Variants in PPP6R3 observed in about 807,000 individuals in gnomAD.
The protein encoded by PPP6R3 is serine/threonine-protein phosphatase 6 regulatory subunit 3.
Under a neutral mutation model 110.7 loss-of-function variants are expected in PPP6R3, and 38 were observed. That is an observed-to-expected ratio of 0.34 (90% confidence interval 0.26 to 0.45). The LOEUF is 0.45. Ranked by LOEUF, PPP6R3 falls within the 20% of genes least tolerant of loss-of-function variation. The probability of loss-of-function intolerance (pLI) is 1.00; values close to 1 mark genes in which losing one functional copy is unlikely to be tolerated. For missense variants in PPP6R3, 870 were observed against 1,062.4 expected (o/e 0.82, Z 2.52); for synonymous variants, 369 against 373.5 (o/e 0.99, Z 0.14).
In PPP6R3 at chr11:68,615,192, C is replaced by A; in HGVS notation, c.*2075C>A. ...GAGGTTGGAGGGGCCAAGCCAAGGA[C>A]AGGAGCAAGTGTGCCCTCATTTTGT... On this transcript the variant is annotated 3_prime_UTR_variant, in exon 24 of 24. Coordinates refer to ENST00000393800, the MANE Select transcript of PPP6R3 (RefSeq NM_001164161.2). 1 of 431,800 alleles carries A rather than the reference C, an allele frequency of 2.3e-6. No homozygotes were observed. Among genetic ancestry groups the A allele is most frequent in the South Asian group, 1.7e-5 (1 of 60,454 alleles). 26.7% of individuals were successfully genotyped at this position (431,800 alleles called of 1,614,324 possible).
intron 19 of PPP6R3, among the ~76,000 whole-genome samples, chr11:68,600,076 C>T (rs1049547427): frequency 2.0e-5 from 3 of 151,976 alleles, no homozygotes; most frequent in East Asian, 1.9e-4. Context: ...GAGCGGAGAT[C>T]GTGCCACTGC....
intron 11 of PPP6R3, among the ~76,000 whole-genome samples, chr11:68,570,787 A>G (rs565220003): frequency 1.3e-5 from 2 of 152,346 alleles, no homozygotes; most frequent in East Asian, 1.9e-4. Flanking sequence ...ATAGTTAACT[A>G]TAGGTAGTTA....
chr11:68,592,508 T>C (rs994463077), intron 18 of PPP6R3, among the ~76,000 whole-genome samples: 4 of 152,218 alleles, frequency 2.6e-5, no homozygotes, highest in Admixed American at 6.5e-5. Flanking sequence ...CTGCCAGTTA[T>C]GTTGCCTCTT....
intron 2 of PPP6R3, among the ~76,000 whole-genome samples, chr11:68,531,753 A>C (rs1204699233): frequency 3.3e-5 from 5 of 152,086 alleles, no homozygotes; most frequent in African/African-American, 1.2e-4. Context: ...TCTAGCTGCT[A>C]TTGCGGATCT....
intron 10 of PPP6R3, 88 bp downstream of exon 10, chr11:68,567,254 T>G (rs981022527): frequency 7.5e-7 from 1 of 1,325,082 alleles, no homozygotes; most frequent in Non-Finnish European, 1.0e-6. Flanking sequence ...AAATTTACAT[T>G]ATGTCAGTGA....
chr11:68,567,780 T>C (rs758807395), intron 10 of PPP6R3, among the ~76,000 whole-genome samples: 13 of 152,216 alleles, frequency 8.5e-5, no homozygotes, highest in African/African-American at 2.7e-4. Flanking sequence ...GTTAACACTT[T>C]AGCAGGTTTC....
chr11:68,503,803 A>G (rs925484670), intron 1 of PPP6R3, among the ~76,000 whole-genome samples: 1 of 152,232 alleles, frequency 6.6e-6, no homozygotes, highest in Non-Finnish European at 1.5e-5. Flanking sequence ...GAGAAGACCA[A>G]CCCAGTAGAA....
intron 1 of PPP6R3, among the ~76,000 whole-genome samples, chr11:68,508,980 A>C (rs1202033892): frequency 6.6e-6 from 1 of 152,214 alleles, no homozygotes; most frequent in Non-Finnish European, 1.5e-5. Context: ...CATTTCCTCT[A>C]AGAGAATAGT....
At chr11:68,596,990 G>A (rs1447702846) in intron 19 of PPP6R3, among the ~76,000 whole-genome samples, 1 of 152,212 alleles carries the variant, frequency 6.6e-6, no homozygotes, top group East Asian at 1.9e-4. Context: ...GAAACGGGAT[G>A]GGAGAAGAAG....
intron 22 of PPP6R3, among the ~76,000 whole-genome samples, chr11:68,604,806 T>C (rs112602367): frequency 0.01 from 1,559 of 152,326 alleles, 12 homozygotes; most frequent in African/African-American, 0.012. Context: ...TCTCATGGAA[T>C]ATATTGAAGA....
rs73504474 is a variant in PPP6R3, at chr11:68,560,801, G to A, written c.845+2122G>A. Among the ~76,000 whole-genome samples the A allele has an allele frequency of 4.5e-3, 684 of 152,078 alleles. 6 individuals are homozygous for A. Among genetic ancestry groups the A allele is most frequent in the African/African-American group, 0.016 (664 of 41,476 alleles). On this transcript the variant is annotated intron_variant, in intron 8 of 23. Transcript: ENST00000393800. The stretch of plus-strand genomic sequence containing the variant: ...GACTCCCATGCATACCAAAATCTGC[G>A]GTTGCTCAAGTCTCGTATAAATGGC...
At chr11:68,510,215 AT>A (rs2099101983) in intron 1 of PPP6R3, among the ~76,000 whole-genome samples, 1 of 151,398 alleles carries the variant, frequency 6.6e-6, no homozygotes, top group African/African-American at 2.4e-5. Context: ...GGCCTATTTT[AT>A]TTTATAGATG....
chr11:68,590,624 T>C (rs925632863), intron 16 of PPP6R3, 36 bp from the exon 17 acceptor site: 2 of 1,523,982 alleles, frequency 1.3e-6, no homozygotes, highest in Non-Finnish European at 1.8e-6. Flanking sequence ...TGATAGTAAT[T>C]AATGCTTCCT....
At chr11:68,603,668 G>T in intron 22 of PPP6R3, 176 bp downstream of exon 22, 1 of 782,776 alleles carries the variant, frequency 1.3e-6, no homozygotes, top group South Asian at 1.9e-5. Flanking sequence ...GGAGAGTTTA[G>T]GCCCCTAAGT....
At chr11:68,477,741 A>AAAAAAAAATATATATAT in intron 1 of PPP6R3, among the ~76,000 whole-genome samples, 13 of 57,906 alleles carry the variant, frequency 2.2e-4, no homozygotes, top group African/African-American at 9.3e-4. Flanking sequence ...AAAAAAAAAA[A>AAAAAAAAATATATATAT]ATATATATAT....
chr11:68,477,740 AAAT>A (rs1204442142), intron 1 of PPP6R3, among the ~76,000 whole-genome samples: 1,442 of 70,554 alleles, frequency 0.02, 11 homozygotes, highest in Middle Eastern at 0.042. Flanking sequence ...AAAAAAAAAA[AAAT>A]ATATATATAT....
rs1425775549 is a variant in PPP6R3, at chr11:68,613,903, T to G, written c.*786T>G. 2.1e-6 allele frequency: 2 copies of G among 975,022 alleles called. No homozygotes were observed. The highest frequency in any genetic ancestry group is 3.5e-5 in the African/African-American group (2 of 56,380). The allele number at this position is 975,022 out of a possible 1,614,324, so 60.4% of individuals were successfully genotyped here. The stretch of plus-strand genomic sequence containing the variant: ...TATATGGCTTGTGTTTTGGGATTTT[T>G]TTTTTTTTTTTTTGGCTTTTGTTTT... On this transcript the variant is annotated 3_prime_UTR_variant, in exon 24 of 24. Transcript: ENST00000393800.
chr11:68,537,889 C>G lies in PPP6R3; in HGVS notation c.225C>G (p.Tyr75Ter), dbSNP rs768459562. 6.3e-7 allele frequency: 1 copy of G among 1,595,776 alleles called. No homozygotes were observed. Among genetic ancestry groups the G allele is most frequent in the Non-Finnish European group, 8.6e-7 (1 of 1,164,352 alleles). ...AAGACATGGATGAAAAGATCAGATA[C>G]AAGTAAGACAATTCAATCTTCTCTG... The part of the protein sequence containing the change: ...PPQDMDEKIR[Y>*]KYPNISCELL... The change falls in exon 3 of 24, where the codon TAC (tyrosine) becomes TAG (stop). Residue 75 changes from tyrosine to a stop codon, truncating the protein, a stop_gained and splice_region_variant. Coordinates refer to ENST00000393800, the MANE Select transcript of PPP6R3 (RefSeq NM_001164161.2). LOFTEE classifies it high-confidence loss of function.
chr11:68,602,208 C>G lies in PPP6R3; in HGVS notation c.2299+239C>G, dbSNP rs140552541. On this transcript the variant is annotated intron_variant, in intron 21 of 23. Coordinates refer to ENST00000393800, the MANE Select transcript of PPP6R3 (RefSeq NM_001164161.2). ...AGTGTGCAGATTAGGAAACTGAGGT[C>G]TAGAGGGAAGAAGGCCTAAGCCCAT... is the stretch of plus-strand genomic sequence containing the variant. Among the ~76,000 whole-genome samples, 184 of 152,280 alleles carry G rather than the reference C, an allele frequency of 1.2e-3. 1 individual carries two copies. The highest frequency in any genetic ancestry group is 4.2e-3 in the African/African-American group (176 of 41,546).
Sources: gnomAD v4.1 joint callset for allele counts (sites outside exome capture counted in the v4.1 genomes callset) on GRCh38, gnomAD v4.1.1 for gene constraint, MANE v1.5 for transcripts, NCBI Gene and HGNC (gene_info 2026-07-23, HGNC 2026-07-21) for gene names.